The following MAN2A1 variants were observed in gnomAD, a reference collection of about 807,000 sequenced individuals.
MAN2A1 encodes mannosidase alpha class 2A member 1, also known as alpha-mannosidase 2.
A neutral mutation model predicts 142.6 loss-of-function variants in MAN2A1; 76 were observed. The observed-to-expected ratio is 0.53, with a 90% confidence interval of 0.44 to 0.65. The LOEUF is 0.65. MAN2A1 is among the 30% of genes least tolerant of loss of function. The pLI, the probability that MAN2A1 is intolerant of heterozygous loss-of-function variation, is 0.00. For missense variants in MAN2A1, 1,311 were observed against 1,365.1 expected (o/e 0.96, Z 0.62); for synonymous variants, 559 against 473.2 (o/e 1.18, Z -2.35).
At chr5:109,760,383 T>C (rs1752810096) in intron 5 of MAN2A1, among the ~76,000 whole-genome samples, 1 of 152,202 alleles carries the variant, frequency 6.6e-6, no homozygotes. Flanking sequence ...CAGTTTATCA[T>C]TGATGGGCAT....
chr5:109,869,271 C>G lies in MAN2A1; in HGVS notation c.*2273C>G, dbSNP rs1242970532. On this transcript the variant is annotated 3_prime_UTR_variant, in exon 22 of 22. Transcript: ENST00000261483. ...TTAGGTTTCGTTACATTTATTATTACAGATGTTCAGTTGACCAAGTAGTTC... is the reference window on the plus strand; with the variant it reads ...TTAGGTTTCGTTACATTTATTATTAGAGATGTTCAGTTGACCAAGTAGTTC... The G allele has an allele frequency of 6.6e-6, 1 of 152,210 alleles. No individual in the cohort carries two copies. The highest frequency in any genetic ancestry group is 2.4e-5 in the African/African-American group (1 of 41,458). The allele number at this position is 152,210 out of a possible 1,614,324, so 9.4% of individuals were successfully genotyped here.
intron 16 of MAN2A1, among the ~76,000 whole-genome samples, chr5:109,824,161 A>G: frequency 6.6e-6 from 1 of 152,198 alleles, no homozygotes; most frequent in Non-Finnish European, 1.5e-5. Flanking sequence ...AATTATATTA[A>G]ATACGACTTT....
intron 5 of MAN2A1, among the ~76,000 whole-genome samples, chr5:109,765,701 T>C (rs544991491): frequency 6.6e-6 from 1 of 152,188 alleles, no homozygotes; most frequent in Non-Finnish European, 1.5e-5. Context: ...AGAGCTTTCC[T>C]TCTTATTTTC....
At chr5:109,784,202 A>G (rs1279340198) in intron 9 of MAN2A1, among the ~76,000 whole-genome samples, 1 of 152,122 alleles carries the variant, frequency 6.6e-6, no homozygotes, top group Non-Finnish European at 1.5e-5. Flanking sequence ...TATTTGTTAT[A>G]TGTTATCATT....
At chr5:109,803,024 A>C (rs1365156099) in intron 12 of MAN2A1, among the ~76,000 whole-genome samples, 1 of 152,048 alleles carries the variant, frequency 6.6e-6, no homozygotes, top group Non-Finnish European at 1.5e-5. Context: ...CCAGTCTCAC[A>C]CATTGATTTT....
chr5:109,817,140 T>G (rs1742553856), intron 12 of MAN2A1, 133 bp from the exon 13 acceptor site: 2 of 827,140 alleles, frequency 2.4e-6, no homozygotes, highest in Non-Finnish European at 1.9e-6. Flanking sequence ...CACTCCAGCC[T>G]GGGTGACAGA....
intron 12 of MAN2A1, among the ~76,000 whole-genome samples, chr5:109,800,921 G>A (rs1754011282): frequency 6.6e-6 from 1 of 152,190 alleles, no homozygotes; most frequent in African/African-American, 2.4e-5. Flanking sequence ...TTTATCCATA[G>A]TGATGAACCC....
chr5:109,774,616 T>TA (rs1026937339), intron 7 of MAN2A1, among the ~76,000 whole-genome samples, 172 bp from the exon 8 acceptor site: 1 of 152,114 alleles, frequency 6.6e-6, no homozygotes, highest in African/African-American at 2.4e-5. Flanking sequence ...ATGATAGTTT[T>TA]AAAAAAATCT....
chr5:109,866,648 C>T (rs978705148), intron 21 of MAN2A1, among the ~76,000 whole-genome samples, 198 bp from the exon 22 acceptor site: 4 of 152,094 alleles, frequency 2.6e-5, no homozygotes, highest in Non-Finnish European at 1.5e-5. Flanking sequence ...ATTTAATTCA[C>T]CCTTTTTTCT....
chr5:109,692,895 G>C (rs956185997), intron 1 of MAN2A1, among the ~76,000 whole-genome samples: 1 of 152,122 alleles, frequency 6.6e-6, no homozygotes, highest in Non-Finnish European at 1.5e-5. Flanking sequence ...ATGCAGCCTA[G>C]ATCCCTGGCA....
chr5:109,762,133 T>C (rs1432580140), intron 5 of MAN2A1, among the ~76,000 whole-genome samples: 1 of 152,162 alleles, frequency 6.6e-6, no homozygotes, highest in Non-Finnish European at 1.5e-5. Flanking sequence ...TAAGTTTTTT[T>C]CCACAAGGAT....
chr5:109,821,223 C>T (rs1483598132), intron 15 of MAN2A1, among the ~76,000 whole-genome samples: 2 of 152,148 alleles, frequency 1.3e-5, no homozygotes, highest in South Asian at 2.1e-4. Context: ...TGACTTATTG[C>T]ATGTACATAT....
chr5:109,865,189 G>T, intron 21 of MAN2A1, 43 bp downstream of exon 21: 1 of 1,346,000 alleles, frequency 7.4e-7, no homozygotes, highest in South Asian at 1.2e-5. Context: ...AGTGTGCTTT[G>T]AAATCCTCTT....
rs375281913 is a variant in MAN2A1 at position 109,823,429 on chromosome 5, CTA to C, written c.2452-290_2452-289del. Among the ~76,000 whole-genome samples, 61 of 152,202 alleles carry C rather than the reference CTA, an allele frequency of 4.0e-4. 1 individual carries two copies. The highest frequency in any genetic ancestry group is 1.4e-3 in the African/African-American group (58 of 41,524). ...AATGATTGCTGTTTCTAATAAGTAACTATATGGACAAATAGAAGGATTTTAGT... is the reference window on the plus strand; with the variant it reads ...AATGATTGCTGTTTCTAATAAGTAACTATGGACAAATAGAAGGATTTTAGT... On this transcript the variant is annotated intron_variant, in intron 15 of 21. Transcript: ENST00000261483.
chr5:109,856,811 A>G (rs761508274), intron 20 of MAN2A1, among the ~76,000 whole-genome samples: 1 of 152,158 alleles, frequency 6.6e-6, no homozygotes, highest in Non-Finnish European at 1.5e-5. Flanking sequence ...GCTTTTTAAA[A>G]TCATTATCAG....
At chr5:109,857,908 A>G (rs1416170568) in intron 20 of MAN2A1, among the ~76,000 whole-genome samples, 1 of 152,150 alleles carries the variant, frequency 6.6e-6, no homozygotes, top group African/African-American at 2.4e-5. Flanking sequence ...CTCAGCTACC[A>G]TTTATAACAT....
chr5:109,792,285 A>T (rs1753756060), intron 12 of MAN2A1, among the ~76,000 whole-genome samples: 1 of 151,990 alleles, frequency 6.6e-6, no homozygotes, highest in Non-Finnish European at 1.5e-5. Context: ...ACCTTTTATT[A>T]TTCCTTAAAT....
intron 8 of MAN2A1, among the ~76,000 whole-genome samples, chr5:109,778,574 T>C (rs1303882557): frequency 6.6e-6 from 1 of 152,114 alleles, no homozygotes; most frequent in Non-Finnish European, 1.5e-5. Flanking sequence ...TATTATTTTC[T>C]TCTTCTAGGA....
At chr5:109,707,205 A>G (rs538201068) in intron 1 of MAN2A1, among the ~76,000 whole-genome samples, 1 of 152,298 alleles carries the variant, frequency 6.6e-6, no homozygotes, top group South Asian at 2.1e-4. Context: ...AAACCACCCT[A>G]TTAATTAGCT....
Sources: allele counts gnomAD v4.1 joint callset (sites outside exome capture counted in the v4.1 genomes callset), GRCh38; gene constraint gnomAD v4.1.1; transcripts MANE v1.5; gene names NCBI Gene and HGNC (gene_info 2026-07-23, HGNC 2026-07-21).